Variants in NRXN1 observed in about 807,000 individuals in gnomAD.
NRXN1 encodes neurexin 1.
Under a neutral mutation model 150.9 loss-of-function variants are expected in NRXN1, and 39 were observed. The ratio of observed to expected loss-of-function variants is 0.26; its 90% CI spans 0.20 to 0.34. The LOEUF is 0.34. Ranked by LOEUF, NRXN1 falls within the 10% of genes least tolerant of loss-of-function variation. The pLI is 1.00. For missense variants in NRXN1, 1,815 were observed against 1,949.9 expected (o/e 0.93, Z 1.30); for synonymous variants, 924 against 757.0 (o/e 1.22, Z -3.62).
At chr2:49,999,471 A>G (rs1014977409) in intron 21 of NRXN1, among the ~76,000 whole-genome samples, 1 of 152,134 alleles carries the variant, frequency 6.6e-6, no homozygotes, top group African/African-American at 2.4e-5. Context: ...ACATATCTGT[A>G]TTTTTTGAAA....
intron 5 of NRXN1, among the ~76,000 whole-genome samples, chr2:50,817,969 C>G (rs1669166503): frequency 6.6e-6 from 1 of 151,780 alleles, no homozygotes; most frequent in South Asian, 2.1e-4. Context: ...CTTGCCACTT[C>G]TATTCAAGAT....
chr2:50,806,548 A>C (rs970382589), intron 5 of NRXN1, among the ~76,000 whole-genome samples: 1 of 152,168 alleles, frequency 6.6e-6, no homozygotes, highest in African/African-American at 2.4e-5. Context: ...GAAACAGATA[A>C]ACACTAAAAA....
intron 2 of NRXN1, among the ~76,000 whole-genome samples, chr2:50,979,676 G>A (rs1269965338): frequency 6.6e-6 from 1 of 152,000 alleles, no homozygotes; most frequent in Non-Finnish European, 1.5e-5. Context: ...ACGAACCTTG[G>A]TCAACCTGTA....
intron 17 of NRXN1, among the ~76,000 whole-genome samples, chr2:50,294,978 C>G (rs1367528660): frequency 1.3e-5 from 2 of 152,076 alleles, no homozygotes; most frequent in South Asian, 2.1e-4. Context: ...TTGGTCCAGC[C>G]CTGGCTATGG....
Position 50,541,107 on chromosome 2 carries a change from G to T in NRXN1, c.1760-2471C>A, listed in dbSNP as rs1012337019. 3.9e-5 allele frequency among the ~76,000 whole-genome samples: 6 copies of T among 152,188 alleles called. No homozygotes were observed. In the East Asian group the frequency reaches 7.7e-4, roughly 20 times the overall value. On this transcript the variant is annotated intron_variant, in intron 9 of 22. Transcript: ENST00000401669. ...GAGAAATTGAGAAGAAATGTTAGGA[G>T]ACACGGAACTTAGCAAAGGAACAAT...
chr2:50,086,899 G>T (rs1317859742), intron 19 of NRXN1, among the ~76,000 whole-genome samples: 1 of 151,724 alleles, frequency 6.6e-6, no homozygotes, highest in Non-Finnish European at 1.5e-5. Flanking sequence ...TTGTTCATTA[G>T]CTTTTACAGT....
intron 18 of NRXN1, among the ~76,000 whole-genome samples, chr2:50,197,800 C>T (rs7580684): frequency 0.022 from 3,371 of 152,196 alleles, 125 homozygotes; most frequent in African/African-American, 0.077. Flanking sequence ...AATATCACAG[C>T]TACTTGACAC....
intron 2 of NRXN1, among the ~76,000 whole-genome samples, chr2:51,002,448 T>C (rs1205342847): frequency 6.6e-6 from 1 of 152,014 alleles, no homozygotes; most frequent in Non-Finnish European, 1.5e-5. Flanking sequence ...TGCTATAGTG[T>C]ACCATTGCTT....
At chr2:50,727,694 T>C (rs868466202) in intron 5 of NRXN1, among the ~76,000 whole-genome samples, 24 of 152,130 alleles carry the variant, frequency 1.6e-4, no homozygotes, top group Admixed American at 2.0e-4. Flanking sequence ...ACTAATCTAC[T>C]AAGAAGATTT....
At chr2:50,688,091 T>A (rs1484767634) in intron 5 of NRXN1, among the ~76,000 whole-genome samples, 1 of 152,122 alleles carries the variant, frequency 6.6e-6, no homozygotes, top group Non-Finnish European at 1.5e-5. Context: ...GAGATAGAGG[T>A]AATCTGGGAA....
At chr2:50,784,636 G>A (rs1447236842) in intron 5 of NRXN1, among the ~76,000 whole-genome samples, 1 of 152,064 alleles carries the variant, frequency 6.6e-6, no homozygotes, top group Admixed American at 6.6e-5. Flanking sequence ...TTAACCTGTA[G>A]GTAATGAGGA....
chr2:50,934,690 G>A (rs1355663443), intron 2 of NRXN1, among the ~76,000 whole-genome samples: 2 of 152,038 alleles, frequency 1.3e-5, no homozygotes, highest in African/African-American at 4.8e-5. Context: ...CATATTATTT[G>A]TTCTTTATTC....
intron 12 of NRXN1, among the ~76,000 whole-genome samples, chr2:50,511,061 T>A (rs966996339): frequency 1.2e-4 from 19 of 152,270 alleles, no homozygotes; most frequent in Non-Finnish European, 2.2e-4. Flanking sequence ...ACAAGCTTTT[T>A]TTTTTTTAAT....
At chr2:49,933,838 A>G (rs1670557306) in intron 22 of NRXN1, among the ~76,000 whole-genome samples, 1 of 152,194 alleles carries the variant, frequency 6.6e-6, no homozygotes, top group Admixed American at 6.5e-5. Flanking sequence ...TGCACTGCAC[A>G]CAGTGTCTCA....
intron 5 of NRXN1, among the ~76,000 whole-genome samples, chr2:50,732,059 C>T (rs1465104632): frequency 7.9e-5 from 12 of 152,048 alleles, no homozygotes; most frequent in South Asian, 6.2e-4. Flanking sequence ...TATATATGTA[C>T]GTGACCAATG....
At chr2:50,390,715 C>A (rs894895426) in intron 17 of NRXN1, among the ~76,000 whole-genome samples, 1 of 151,784 alleles carries the variant, frequency 6.6e-6, no homozygotes, top group Admixed American at 6.6e-5. Flanking sequence ...AAAGTTTGGC[C>A]CCCTCTTGCT....
At position 50,531,315 on chromosome 2, in the gene NRXN1, G is replaced by T; in HGVS notation, c.2259C>A (p.Gly753=). Residue 753 remains glycine (G), a synonymous_variant, in exon 11 of 23, where the codon GGC becomes GGA. Transcript: ENST00000401669. Reference sequence around the variant, plus strand: ...CTCTAGAAGTGGTTGCCATCAGAATGCCATATGCACGCTGGGATCGGAACC... The same window carrying T: ...CTCTAGAAGTGGTTGCCATCAGAATTCCATATGCACGCTGGGATCGGAACC... ...SLRFRSQRAY[G]ILMATTSRDS... The T allele has an allele frequency of 6.2e-7, 1 of 1,613,602 alleles. No individual in the cohort carries two copies. Among genetic ancestry groups the T allele is most frequent in the Non-Finnish European group, 8.5e-7 (1 of 1,179,732 alleles).
intron 2 of NRXN1, among the ~76,000 whole-genome samples, chr2:50,968,320 T>C (rs2104760827): frequency 6.6e-6 from 1 of 152,272 alleles, no homozygotes; most frequent in East Asian, 1.9e-4. Context: ...TATATTTGTA[T>C]TCATCTTTTC....
intron 2 of NRXN1, among the ~76,000 whole-genome samples, chr2:50,960,345 C>T (rs992525718): frequency 1.3e-5 from 2 of 148,310 alleles, no homozygotes; most frequent in Non-Finnish European, 3.0e-5. Context: ...CTCCTTCCCT[C>T]CTTTCCTTCC....
Sources: gnomAD v4.1 joint callset for allele counts (sites outside exome capture counted in the v4.1 genomes callset) on GRCh38, gnomAD v4.1.1 for gene constraint, MANE v1.5 for transcripts, NCBI Gene and HGNC (gene_info 2026-07-23, HGNC 2026-07-21) for gene names.